Variants in NBPF12 observed in about 807,000 individuals in gnomAD.
The protein encoded by NBPF12 is NBPF family member NBPF12.
NBPF12 carries 115 observed loss-of-function variants against 146.4 expected under a neutral mutation model. The ratio of observed to expected loss-of-function variants is 0.79; its 90% confidence interval spans 0.68 to 0.92. The LOEUF is 0.92. Ranked by LOEUF, NBPF12 falls within the 40% of genes least tolerant of loss-of-function variation. The pLI is 0.00. For missense variants in NBPF12, 1,205 were observed against 1,326.8 expected, an observed-to-expected ratio of 0.91 and a Z score of 1.43; for synonymous variants, 385 against 508.9, an observed-to-expected ratio of 0.76 and a Z score of 3.28.
intron 10 of NBPF12, 123 bp from the exon 14 acceptor site, chr1:146,969,259 C>T (rs1656421213): frequency 2.0e-6 from 2 of 977,090 alleles, no homozygotes; most frequent in Non-Finnish European, 3.2e-6. Context: ...TTCCTTTCAA[C>T]ATGTGCTGAC....
chr1:146,954,765 T>C (rs1201056531), intron 2 of NBPF12, among the ~76,000 whole-genome samples: 1 of 150,348 alleles, frequency 6.7e-6, no homozygotes, highest in African/African-American at 2.4e-5. Context: ...CAAGATTATG[T>C]GTTTTGTTGA....
At chr1:146,972,139 A>T (rs1656680883) in intron 13 of NBPF12, among the ~76,000 whole-genome samples, 1 of 150,328 alleles carries the variant, frequency 6.7e-6, no homozygotes, top group African/African-American at 2.5e-5. Context: ...CTCACATCTT[A>T]ATCCCAGCAC....
At chr1:146,949,975 G>A (rs1457179219) in intron 1 of NBPF12, among the ~76,000 whole-genome samples, 3 of 151,854 alleles carry the variant, frequency 2.0e-5, no homozygotes, top group Admixed American at 6.6e-5. Context: ...CAGTTCATGC[G>A]GTAACCTCAC....
chr1:146,940,902 T>C (rs1367770491), intron 1 of NBPF12, among the ~76,000 whole-genome samples: 2 of 151,994 alleles, frequency 1.3e-5, no homozygotes, highest in Admixed American at 6.6e-5. Context: ...ATGTCCTCTT[T>C]CATGAAGTGC....
chr1:146,994,500 G>A (rs763312742), exon 34 of NBPF12: 2 of 1,609,278 alleles, frequency 1.2e-6, no homozygotes, highest in Non-Finnish European at 1.7e-6. Flanking sequence ...CCCTTGACAT[G>A]GACAATAGCT....
At position 146,963,322 on chromosome 1, in the gene NBPF12, T is replaced by C. The variant is rs1274177587; in HGVS notation, c.493+13T>C. On this transcript the variant is annotated intron_variant, in intron 6 of 33. Coordinates refer to ENST00000617844, the Ensembl canonical transcript of NBPF12. The stretch of plus-strand genomic sequence containing the variant: ...AAGCTCAGCCCAGGTAAGGTGGCCA[T>C]AGGCCCTGATGACCCAAAACCCCAG... 3,994 of 1,608,792 alleles carry C rather than the reference T, an allele frequency of 2.5e-3. 132 individuals are homozygous for C. In the African/African-American group the frequency reaches 0.045, roughly 18 times the overall value.
intron 31 of NBPF12, among the ~76,000 whole-genome samples, chr1:146,992,302 A>G (rs1342491195): frequency 7.4e-6 from 1 of 135,072 alleles, no homozygotes; most frequent in East Asian, 2.3e-4. Flanking sequence ...TGGAAACTTG[A>G]GCACATTTTA....
At chr1:146,942,124 C>G (rs1654838567) in intron 1 of NBPF12, among the ~76,000 whole-genome samples, 1 of 151,048 alleles carries the variant, frequency 6.6e-6, no homozygotes, top group South Asian at 2.1e-4. Flanking sequence ...TCCCAAAGTG[C>G]TGGGATTACG....
intron 10 of NBPF12, among the ~76,000 whole-genome samples, chr1:146,968,935 G>A (rs1553886007): frequency 0.15 from 22,832 of 150,794 alleles, 2,379 homozygotes; most frequent in Middle Eastern, 0.25. Flanking sequence ...TTCACTCAAT[G>A]TTGCCTTCTC....
exon 22 of NBPF12, chr1:146,984,933 T>G (rs1657658866): frequency 6.5e-7 from 1 of 1,548,920 alleles, no homozygotes; most frequent in African/African-American, 1.4e-5. Flanking sequence ...CCTACAGAAG[T>G]GCCTTTTACG....
intron 18 of NBPF12, among the ~76,000 whole-genome samples, chr1:146,977,885 A>T (rs1333052662): frequency 1.3e-5 from 2 of 152,036 alleles, no homozygotes; most frequent in African/African-American, 4.8e-5. Context: ...CAAGTGTGAC[A>T]ATCTCATAGT....
At chr1:146,976,392 G>A (rs1553887336) in intron 16 of NBPF12, among the ~76,000 whole-genome samples, 18,217 of 130,588 alleles carry the variant, frequency 0.14, 1,541 homozygotes, top group Middle Eastern at 0.23. Flanking sequence ...GCCCCTCTCC[G>A]TGTGGTGTTG....
At chr1:146,960,306 C>G in exon 4 of NBPF12, 1 of 1,396,900 alleles carries the variant, frequency 7.2e-7, no homozygotes, top group Non-Finnish European at 1.0e-6. Context: ...GGCCAACCGA[C>G]AGAAGAAATA....
At position 146,969,055 on chromosome 1, in the gene NBPF12, T is replaced by C. The variant is rs1656398632; in HGVS notation, c.1092-327T>C. ...GTGGCCGCAAGATGCACTATGTGTA[T>C]TTTCACATGGAAATGTCCATGGCCA... is the stretch of plus-strand genomic sequence containing the variant. On this transcript the variant is annotated intron_variant, in intron 10 of 33. Transcript: ENST00000617844. Among the ~76,000 whole-genome samples, 6 of 151,632 alleles carry C rather than the reference T, an allele frequency of 4.0e-5. No homozygotes were observed. The South Asian group carries it at 1.2e-3, about 32-fold the overall frequency.
chr1:146,972,702 C>G (rs1656734528), intron 13 of NBPF12, 49 bp from the exon 17 acceptor site: 6 of 1,381,194 alleles, frequency 4.3e-6, no homozygotes, highest in East Asian at 2.3e-5. Context: ...AAGCCTATTT[C>G]ATTTCATCAG....
intron 21 of NBPF12, among the ~76,000 whole-genome samples, chr1:146,984,494 A>G (rs1183292954): frequency 6.7e-6 from 1 of 149,492 alleles, no homozygotes; most frequent in South Asian, 2.1e-4. Flanking sequence ...ATCACTGTTC[A>G]CTGTGTGTCC....
At chr1:146,951,761 T>TAA (rs1347303614) in intron 2 of NBPF12, 12 of 315,510 alleles carry the variant, frequency 3.8e-5, no homozygotes, top group Non-Finnish European at 5.9e-5. Context: ...TTTAAGATGA[T>TAA]ACAATTTATA....
intron 10 of NBPF12, among the ~76,000 whole-genome samples, chr1:146,969,136 T>C (rs1656409717): frequency 6.6e-6 from 1 of 151,150 alleles, no homozygotes; most frequent in Admixed American, 6.6e-5. Context: ...ACACCTACTT[T>C]TGTTTACAGA....
At chr1:146,948,802 C>T (rs1445048574), upstream of NBPF12, among the ~76,000 whole-genome samples, 7 of 151,002 alleles carry the variant, frequency 4.6e-5, no homozygotes, top group African/African-American at 9.9e-5. Context: ...AAGAGGAAGG[C>T]GTCTGTCTCC....
Sources: gnomAD v4.1 joint callset for allele counts (sites outside exome capture counted in the v4.1 genomes callset) on GRCh38, gnomAD v4.1.1 for gene constraint, MANE v1.5 for transcripts, NCBI Gene and HGNC (gene_info 2026-07-23, HGNC 2026-07-21) for gene names.